The following CCND3 variants were observed in gnomAD, a reference collection of about 807,000 sequenced individuals.
CCND3 encodes cyclin D3, also known as G1/S-specific cyclin-D3.
Under a neutral mutation model 28.7 loss-of-function variants are expected in CCND3, and 9 were observed. The observed-to-expected ratio is 0.31, with a 90% CI of 0.19 to 0.55. The LOEUF (loss-of-function observed/expected upper bound fraction) is 0.55, where lower values mean the gene tolerates loss of function less well. CCND3 is among the 20% of genes least tolerant of loss of function. CCND3 has a pLI of 0.93. For missense variants in CCND3, 315 were observed against 385.8 expected (o/e 0.82, Z 1.54); for synonymous variants, 164 against 163.9 (o/e 1.00, Z 0.00).
At chr6:42,025,593 A>G (rs1582176577) in intron 1 of CCND3, among the ~76,000 whole-genome samples, 1 of 152,292 alleles carries the variant, frequency 6.6e-6, no homozygotes, top group African/African-American at 2.4e-5. Flanking sequence ...CGCACCTCCA[A>G]TGCTCCACTG....
rs1184278163 is a variant in CCND3, at chr6:41,940,826, T to C, written c.199-241A>G. On this transcript the variant is annotated intron_variant, in intron 1 of 4. Transcript: ENST00000372991. ...GGGGAGTGGTAAAGCCAAGGAGCCC[T>C]TGCTCACGGAGGATTCCAAACGGAG... 6 of 1,046,594 alleles carry C rather than the reference T, an allele frequency of 5.7e-6. No homozygotes were observed. In the East Asian group the frequency reaches 1.2e-4, roughly 21 times the overall value. 64.8% of individuals were successfully genotyped at this position (1,046,594 alleles called of 1,614,324 possible).
At chr6:41,990,287 ATTGAAG>A (rs2127415949) in intron 1 of CCND3, among the ~76,000 whole-genome samples, 1 of 152,278 alleles carries the variant, frequency 6.6e-6, no homozygotes, top group Non-Finnish European at 1.5e-5. Flanking sequence ...GATGAAAGAA[ATTGAAG>A]TTGAAGATGA....
intron 1 of CCND3, among the ~76,000 whole-genome samples, chr6:41,948,710 C>T (rs1408872753): frequency 6.6e-6 from 1 of 151,812 alleles, no homozygotes. Context: ...CATGGTGGCG[C>T]GTGCCTGTAA....
chr6:41,941,578 G>T lies in CCND3; in HGVS notation c.72C>A (p.Asp24Glu), dbSNP rs1290350673. Reference protein sequence around the residue: ...RAGPDPRLLGDQRVLQSLLRL... With the variant: ...RAGPDPRLLGEQRVLQSLLRL... ...GGAGCAGGCTCTGCAGGACACGCTGGTCCCCCAGCAGCCGCGGGTCCGGCC... is the reference window on the plus strand; with the variant it reads ...GGAGCAGGCTCTGCAGGACACGCTGTTCCCCCAGCAGCCGCGGGTCCGGCC... The change falls in exon 1 of 5, where the codon GAC becomes GAA. Residue 24 changes from aspartate (D) to glutamate (E), a missense_variant. By Grantham distance (45) the Asp-to-Glu change is conservative (BLOSUM62 2). Transcript: ENST00000372991. This position sits in a 1 kb window ranked among gnomAD's most constrained non-coding sequence, Gnocchi z 6.1. 1.9e-6 allele frequency: 3 copies of T among 1,560,808 alleles called. No homozygotes were observed. Among genetic ancestry groups the T allele is most frequent in the Non-Finnish European group, 2.6e-6 (3 of 1,153,806 alleles).
intron 1 of CCND3, among the ~76,000 whole-genome samples, chr6:41,966,756 T>C (rs1483051128): frequency 2.6e-5 from 4 of 152,188 alleles, no homozygotes; most frequent in African/African-American, 9.7e-5. Flanking sequence ...GAGTCATGCC[T>C]CTTCATCCAT....
At chr6:42,009,419 C>T (rs938967235) in intron 1 of CCND3, among the ~76,000 whole-genome samples, 1 of 152,180 alleles carries the variant, frequency 6.6e-6, no homozygotes, top group African/African-American at 2.4e-5. Context: ...CAAGACCAGC[C>T]TGGCCAACAT....
intron 1 of CCND3, among the ~76,000 whole-genome samples, chr6:41,971,399 G>T (rs1762029038): frequency 6.6e-6 from 1 of 152,004 alleles, no homozygotes; most frequent in African/African-American, 2.4e-5. Flanking sequence ...TGAGTAGCTG[G>T]GACTACAGGT....
At chr6:41,964,500 G>C (rs769951869) in intron 1 of CCND3, among the ~76,000 whole-genome samples, 1 of 71,316 alleles carries the variant, frequency 1.4e-5, no homozygotes, top group African/African-American at 5.2e-5. Flanking sequence ...GTGTGTGTGA[G>C]TGTGTGTGTG....
At chr6:41,978,289 G>A (rs1457248327) in intron 1 of CCND3, among the ~76,000 whole-genome samples, 3 of 151,342 alleles carry the variant, frequency 2.0e-5, no homozygotes, top group Non-Finnish European at 4.4e-5. Context: ...CAGGAGGATG[G>A]CATGAACCTG....
chr6:42,010,876 CT>C (rs1362905906), intron 1 of CCND3: 1 of 150,964 alleles, frequency 6.6e-6, no homozygotes, highest in Non-Finnish European at 1.5e-5. Context: ...CAACTATCTT[CT>C]TCTTTTTTTC....
intron 1 of CCND3, among the ~76,000 whole-genome samples, chr6:41,987,241 C>G (rs145958735): frequency 4.7e-4 from 71 of 152,106 alleles, no homozygotes; most frequent in Non-Finnish European, 8.8e-4. Context: ...CTGATTGGTT[C>G]TGGTGCCTGT....
intron 1 of CCND3, among the ~76,000 whole-genome samples, chr6:42,020,827 C>A (rs1763689194): frequency 6.6e-6 from 1 of 152,210 alleles, no homozygotes; most frequent in Non-Finnish European, 1.5e-5. Flanking sequence ...TCTCAGCTCA[C>A]CGCAACCTCT....
rs1764621606 is a variant in CCND3 at position 42,048,686 on chromosome 6, T to G, written c.-231A>C. 1 of 517,444 alleles carries G rather than the reference T, an allele frequency of 1.9e-6. No homozygotes were observed. The allele number at this position is 517,444 out of a possible 1,614,324, so 32.1% of individuals were successfully genotyped here. ...TCTCCACCCCTGCAGTGGCGAAGTG[T>G]TTACAAAGTCCGCGCCGCGCCGCCG... On this transcript the variant is annotated 5_prime_UTR_variant, in exon 1 of 5. Coordinates refer to the CCND3 transcript ENST00000372988. The surrounding 1 kb of genome is among the most constrained non-coding windows in gnomAD (Gnocchi z 4.7).
intron 1 of CCND3, among the ~76,000 whole-genome samples, chr6:41,993,652 C>T (rs567424209): frequency 2.0e-5 from 3 of 151,612 alleles, no homozygotes; most frequent in Admixed American, 6.6e-5. Context: ...TCAGATGATC[C>T]GCCCACCTCG....
Position 41,941,149 on chromosome 6 carries a change from G to C in CCND3, c.198+303C>G. 1 of 1,469,728 alleles carries C rather than the reference G, an allele frequency of 6.8e-7. No homozygotes were observed. The highest frequency in any genetic ancestry group is 9.0e-7 in the Non-Finnish European group (1 of 1,115,738). The allele number at this position is 1,469,728 out of a possible 1,614,324, so 91.0% of individuals were successfully genotyped here. ...TCCGGAGAAGGCCGGGAGGCGGAGG[G>C]AAGCGGGAGACGCTGTGAGAAGCCG... On this transcript the variant is annotated intron_variant, in intron 1 of 4. Coordinates refer to ENST00000372991, the MANE Select transcript of CCND3 (RefSeq NM_001760.5). This position sits in a 1 kb window ranked among gnomAD's most constrained non-coding sequence, Gnocchi z 6.1.
chr6:41,971,720 A>G (rs1232767539), intron 1 of CCND3, among the ~76,000 whole-genome samples: 1 of 150,958 alleles, frequency 6.6e-6, no homozygotes, highest in Non-Finnish European at 1.5e-5. Flanking sequence ...TTGTATTTCT[A>G]ATAGAGACGG....
chr6:42,039,176 C>A (rs117075283), intron 1 of CCND3, among the ~76,000 whole-genome samples: 1 of 152,150 alleles, frequency 6.6e-6, no homozygotes, highest in Non-Finnish European at 1.5e-5. Context: ...AAGAGAATGT[C>A]CAAATCATGT....
At chr6:42,000,787 G>A (rs1444658691) in intron 1 of CCND3, among the ~76,000 whole-genome samples, 6 of 145,910 alleles carry the variant, frequency 4.1e-5, no homozygotes, top group African/African-American at 7.6e-5. Context: ...GGCTGGTCTC[G>A]AACTCCCGAC....
intron 1 of CCND3, among the ~76,000 whole-genome samples, chr6:42,043,808 C>G (rs1340545790): frequency 2.0e-5 from 3 of 152,198 alleles, no homozygotes; most frequent in African/African-American, 7.2e-5. Context: ...AGATCTGGGC[C>G]AACGACGGAG....
Sources: allele counts gnomAD v4.1 joint callset (sites outside exome capture counted in the v4.1 genomes callset), GRCh38; gene constraint gnomAD v4.1.1; non-coding constraint Gnocchi (gnomAD v3.1); transcripts MANE v1.5; gene names NCBI Gene and HGNC (gene_info 2026-07-23, HGNC 2026-07-21).